The following LRMDA variants were observed in gnomAD, a reference collection of about 807,000 sequenced individuals.
LRMDA encodes leucine rich melanocyte differentiation associated.
A neutral mutation model predicts 29.8 loss-of-function variants in LRMDA; 18 were observed. The observed-to-expected ratio is 0.60, with a 90% CI of 0.42 to 0.90. The LOEUF (loss-of-function observed/expected upper bound fraction) is 0.90, where lower values mean the gene tolerates loss of function less well. Among genes scored for constraint, LRMDA ranks in the 40% least tolerant of loss-of-function variants. The pLI is 0.00. For synonymous variants in LRMDA, 125 were observed against 109.4 expected, an observed-to-expected ratio of 1.14 and a Z score of -0.89; for missense variants, 273 against 273.9, an observed-to-expected ratio of 1.00 and a Z score of 0.02.
intron 6 of LRMDA, among the ~76,000 whole-genome samples, chr10:76,492,707 C>T (rs1346073796): frequency 6.6e-6 from 1 of 151,938 alleles, no homozygotes; most frequent in African/African-American, 2.4e-5. Context: ...GCTGGGGAGG[C>T]CTCAGGAAAC....
intron 2 of LRMDA, among the ~76,000 whole-genome samples, chr10:75,971,122 C>T (rs1349869630): frequency 6.6e-6 from 1 of 152,160 alleles, no homozygotes; most frequent in African/African-American, 2.4e-5. Flanking sequence ...GGTTTCTCAG[C>T]ACCCCTGAGT....
At chr10:76,003,321 G>A (rs1304166390) in intron 2 of LRMDA, among the ~76,000 whole-genome samples, 4 of 152,044 alleles carry the variant, frequency 2.6e-5, no homozygotes, top group Admixed American at 6.6e-5. Flanking sequence ...CTTCCTGACC[G>A]ACTCAAGGCA....
At chr10:75,550,343 G>C (rs1289609685) in intron 2 of LRMDA, among the ~76,000 whole-genome samples, 3 of 152,028 alleles carry the variant, frequency 2.0e-5, no homozygotes, top group Non-Finnish European at 2.9e-5. Context: ...AGTTTGATCA[G>C]ATTTTTCTTT....
At chr10:76,309,434 G>A (rs1840602334) in intron 5 of LRMDA, among the ~76,000 whole-genome samples, 1 of 152,150 alleles carries the variant, frequency 6.6e-6, no homozygotes, top group South Asian at 2.1e-4. Flanking sequence ...AAAAGGAACA[G>A]TTCGAGGAAA....
intron 2 of LRMDA, among the ~76,000 whole-genome samples, chr10:75,833,706 T>C (rs1404871239): frequency 6.6e-6 from 1 of 152,164 alleles, no homozygotes; most frequent in Non-Finnish European, 1.5e-5. Flanking sequence ...CAAGTATGAG[T>C]GAGCCGCTAA....
chr10:75,725,883 C>A (rs184921070), intron 2 of LRMDA, among the ~76,000 whole-genome samples: 55 of 152,250 alleles, frequency 3.6e-4, no homozygotes, highest in Non-Finnish European at 1.5e-5. Context: ...ATTTCTAGAA[C>A]CCTAGAGTAG....
chr10:76,382,055 T>C (rs1564526005), intron 6 of LRMDA, among the ~76,000 whole-genome samples: 1 of 152,164 alleles, frequency 6.6e-6, no homozygotes, highest in Non-Finnish European at 1.5e-5. Flanking sequence ...ATTGTTGCAA[T>C]GGAAAAATAA....
At chr10:75,778,805 A>AGTGCTT (rs2132240968) in intron 2 of LRMDA, among the ~76,000 whole-genome samples, 1 of 152,336 alleles carries the variant, frequency 6.6e-6, no homozygotes, top group South Asian at 2.1e-4. Context: ...AAAAGGCAGA[A>AGTGCTT]GTGCTTTCTG....
In LRMDA at chr10:76,496,053, A is replaced by G. The variant is rs1476526382; in HGVS notation, c.602-61156A>G. 6.7e-5 allele frequency among the ~76,000 whole-genome samples: 5 copies of G among 74,542 alleles called. 2 individuals carry two copies. The highest frequency in any genetic ancestry group is 1.6e-4 in the African/African-American group (5 of 30,600). The allele number at this position is 74,542 out of a possible 152,430, so 48.9% of individuals were successfully genotyped here. A position where few individuals can be genotyped will look rare whatever the true frequency, so the allele number is the denominator to read the frequency against. ...AAGACTTGTTAGTTGGGATAAAAAC[A>G]GCCTTAATCTACAGCTAATTTTGCC... On this transcript the variant is annotated intron_variant, in intron 6 of 6. Coordinates refer to ENST00000611255, the MANE Select transcript of LRMDA (RefSeq NM_001305581.2).
intron 2 of LRMDA, among the ~76,000 whole-genome samples, chr10:76,006,828 C>T (rs1199081040): frequency 3.3e-5 from 5 of 152,114 alleles, no homozygotes; most frequent in Admixed American, 3.3e-4. Context: ...TTCTAGGCTT[C>T]AAGCAAGAGG....
chr10:76,418,516 TC>T (rs1377425773), intron 6 of LRMDA, among the ~76,000 whole-genome samples: 1 of 152,014 alleles, frequency 6.6e-6, no homozygotes, highest in Non-Finnish European at 1.5e-5. Flanking sequence ...CTTGCTAAAT[TC>T]ACTTATTTAT....
intron 6 of LRMDA, among the ~76,000 whole-genome samples, chr10:76,478,856 T>A (rs540616841): frequency 5.3e-4 from 77 of 146,606 alleles, no homozygotes; most frequent in African/African-American, 1.8e-3. Context: ...ATGAGAACAC[T>A]TCGACACAGG....
intron 6 of LRMDA, among the ~76,000 whole-genome samples, chr10:76,383,422 T>C (rs1312620061): frequency 1.3e-5 from 1 of 79,180 alleles, no homozygotes; most frequent in Non-Finnish European, 3.4e-5. Flanking sequence ...TTTCTTTTTT[T>C]TTTTTTTTTT....
intron 2 of LRMDA, among the ~76,000 whole-genome samples, chr10:75,635,486 T>TC (rs1841379816): frequency 6.6e-6 from 1 of 151,896 alleles, no homozygotes; most frequent in Non-Finnish European, 1.5e-5. Flanking sequence ...AGTCTGTCTG[T>TC]CCCCCCAAAA....
chr10:75,826,087 A>G (rs1239987421), intron 2 of LRMDA, among the ~76,000 whole-genome samples: 11 of 152,136 alleles, frequency 7.2e-5, no homozygotes, highest in African/African-American at 2.4e-4. Context: ...GTTCATTCTT[A>G]TAACATAGGT....
At position 75,618,355 on chromosome 10, in the gene LRMDA, ACTCTCTCT is replaced by A. The variant is rs753240055; in HGVS notation, c.131+179882_131+179889del. Among the ~76,000 whole-genome samples, 649 of 131,832 alleles carry A rather than the reference ACTCTCTCT, an allele frequency of 4.9e-3. 2 individuals carry two copies. The highest frequency in any genetic ancestry group is 6.1e-3 in the African/African-American group (206 of 33,728). The allele number at this position is 131,832 out of a possible 152,430, so 86.5% of individuals were successfully genotyped here. On this transcript the variant is annotated intron_variant, in intron 2 of 6. Transcript: ENST00000611255. ...ATCCTTATGTAGTTGTCTTTACCAG[ACTCTCTCT>A]CTCTCTCTCTCTCTCTCTCTATATA...
At chr10:75,581,282 A>C (rs1840587457) in intron 2 of LRMDA, among the ~76,000 whole-genome samples, 1 of 152,248 alleles carries the variant, frequency 6.6e-6, no homozygotes, top group Non-Finnish European at 1.5e-5. Context: ...TCTCAAAAGA[A>C]GACATATATG....
At chr10:76,263,573 G>A (rs1032297521) in intron 5 of LRMDA, among the ~76,000 whole-genome samples, 4 of 152,142 alleles carry the variant, frequency 2.6e-5, no homozygotes, top group African/African-American at 7.2e-5. Flanking sequence ...TAGTTACGAA[G>A]TTTTGTCCCC....
chr10:75,655,273 T>A (rs1242277334), intron 2 of LRMDA, among the ~76,000 whole-genome samples: 1 of 152,248 alleles, frequency 6.6e-6, no homozygotes, highest in African/African-American at 2.4e-5. Flanking sequence ...AAACAGCCTA[T>A]TCATTTTATC....
Sources: gnomAD v4.1 joint callset for allele counts (sites outside exome capture counted in the v4.1 genomes callset) on GRCh38, gnomAD v4.1.1 for gene constraint, MANE v1.5 for transcripts, NCBI Gene and HGNC (gene_info 2026-07-23, HGNC 2026-07-21) for gene names.